The following MAP2 variants were observed in gnomAD, a reference collection of about 807,000 sequenced individuals.
MAP2 encodes microtubule-associated protein 2.
MAP2 carries 14 observed loss-of-function variants against 137.6 expected under a neutral mutation model. The ratio of observed to expected loss-of-function variants is 0.10; its 90% CI spans 0.07 to 0.16. The LOEUF (loss-of-function observed/expected upper bound fraction) is 0.16, where lower values mean the gene tolerates loss of function less well. Among genes scored for constraint, MAP2 ranks in the 10% least tolerant of loss-of-function variants. The probability of loss-of-function intolerance (pLI) is 1.00; values close to 1 mark genes in which losing one functional copy is unlikely to be tolerated. For synonymous variants in MAP2, 786 were observed against 782.3 expected, an observed-to-expected ratio of 1.00 and a Z score of -0.08; for missense variants, 2,088 against 2,191.5, an observed-to-expected ratio of 0.95 and a Z score of 0.94.
intron 7 of MAP2, chr2:209,690,963 A>G (rs186805372): frequency 9.9e-7 from 1 of 1,011,060 alleles, no homozygotes; most frequent in Middle Eastern, 3.0e-4. Context: ...TCTTATGATA[A>G]CAAGTCCACT....
At chr2:209,673,167 T>C (rs1439545531) in intron 5 of MAP2, among the ~76,000 whole-genome samples, 2 of 151,794 alleles carry the variant, frequency 1.3e-5, no homozygotes, top group African/African-American at 2.4e-5. Context: ...TTTATTCTTA[T>C]CAGCCTTTAA....
intron 7 of MAP2, among the ~76,000 whole-genome samples, chr2:209,688,094 C>A (rs2057667872): frequency 6.6e-6 from 1 of 152,044 alleles, no homozygotes. Context: ...AGTGAAGTTC[C>A]TATATAAGTT....
chr2:209,515,951 C>A (rs568301476), intron 2 of MAP2, among the ~76,000 whole-genome samples: 19 of 151,952 alleles, frequency 1.3e-4, no homozygotes, highest in Admixed American at 3.3e-4. Flanking sequence ...CTATGCCAAG[C>A]TAAATTTTTT....
At chr2:209,670,232 T>C (rs2048214407) in intron 5 of MAP2, among the ~76,000 whole-genome samples, 1 of 151,978 alleles carries the variant, frequency 6.6e-6, no homozygotes, top group Non-Finnish European at 1.5e-5. Flanking sequence ...TTAGTAAATA[T>C]GTAATATAGG....
chr2:209,593,864 AT>A (rs1464107544), intron 3 of MAP2, among the ~76,000 whole-genome samples: 1 of 112,634 alleles, frequency 8.9e-6, no homozygotes, highest in East Asian at 2.2e-4. Context: ...TAAAATATAT[AT>A]TTATATTATA....
chr2:209,723,805 C>T, intron 13 of MAP2: 1 of 674,804 alleles, frequency 1.5e-6, no homozygotes, highest in Non-Finnish European at 2.7e-6. Flanking sequence ...ACTGCTGTTC[C>T]ACATGTCTCC....
intron 2 of MAP2, among the ~76,000 whole-genome samples, chr2:209,520,793 A>G (rs1450111332): frequency 6.6e-6 from 1 of 151,960 alleles, no homozygotes; most frequent in African/African-American, 2.4e-5. Context: ...GCTCCCTATT[A>G]TATTTTGCTT....
intron 7 of MAP2, chr2:209,690,923 C>T: frequency 8.5e-7 from 1 of 1,182,728 alleles, no homozygotes; most frequent in Non-Finnish European, 1.1e-6. Flanking sequence ...TGATGCCTTT[C>T]CAACGCTATT....
intron 2 of MAP2, among the ~76,000 whole-genome samples, chr2:209,545,789 T>A (rs1001995924): frequency 1.3e-5 from 2 of 152,196 alleles, no homozygotes; most frequent in Non-Finnish European, 2.9e-5. Context: ...GTGAGAAAGT[T>A]AATAGTACTG....
intron 1 of MAP2, among the ~76,000 whole-genome samples, chr2:209,447,181 C>T (rs2149446752): frequency 6.6e-6 from 1 of 152,106 alleles, no homozygotes; most frequent in Non-Finnish European, 1.5e-5. Flanking sequence ...TGGACTAAAA[C>T]ATCCTTTTTG....
intron 1 of MAP2, among the ~76,000 whole-genome samples, chr2:209,466,539 A>G (rs573428258): frequency 6.6e-6 from 1 of 152,362 alleles, no homozygotes; most frequent in Non-Finnish European, 1.5e-5. Context: ...CCTACTAGGT[A>G]TCAAGTACTT....
At chr2:209,598,312 T>A (rs2081932714) in intron 3 of MAP2, among the ~76,000 whole-genome samples, 1 of 152,176 alleles carries the variant, frequency 6.6e-6, no homozygotes, top group African/African-American at 2.4e-5. Flanking sequence ...GCCTTGTGTC[T>A]GTCCTATTCT....
intron 1 of MAP2, among the ~76,000 whole-genome samples, chr2:209,482,502 G>A (rs1233002202): frequency 6.6e-6 from 1 of 152,112 alleles, no homozygotes; most frequent in East Asian, 1.9e-4. Flanking sequence ...TGACACGTGT[G>A]GCAATATGTG....
chr2:209,696,381 C>T, intron 8 of MAP2, 31 bp downstream of exon 8: 2 of 1,522,982 alleles, frequency 1.3e-6, no homozygotes, highest in East Asian at 2.3e-5. Context: ...TATTTTAACT[C>T]AAACACAATA....
chr2:209,461,414 C>A (rs760478777), intron 1 of MAP2, among the ~76,000 whole-genome samples: 4 of 152,112 alleles, frequency 2.6e-5, no homozygotes, highest in Non-Finnish European at 4.4e-5. Flanking sequence ...GACTGCATAG[C>A]ATGGCTTTAA....
intron 3 of MAP2, among the ~76,000 whole-genome samples, chr2:209,606,626 T>C (rs1333953934): frequency 6.6e-6 from 1 of 152,168 alleles, no homozygotes; most frequent in East Asian, 1.9e-4. Context: ...CTCTATTAAA[T>C]TGGACATATG....
intron 2 of MAP2, among the ~76,000 whole-genome samples, chr2:209,549,637 C>A (rs568061091): frequency 6.6e-6 from 1 of 152,128 alleles, no homozygotes; most frequent in Non-Finnish European, 1.5e-5. Flanking sequence ...CAGAAAACTT[C>A]TTGAAGCATA....
intron 1 of MAP2, among the ~76,000 whole-genome samples, chr2:209,500,679 A>G (rs2060266155): frequency 6.6e-6 from 1 of 152,072 alleles, no homozygotes; most frequent in South Asian, 2.1e-4. Context: ...TGAACTCTTT[A>G]AGGTTAAAGA....
At position 209,435,501 on chromosome 2, in the gene MAP2, C is replaced by A. The variant is rs1429839299; in HGVS notation, c.-222+11225C>A. 4.6e-5 allele frequency among the ~76,000 whole-genome samples: 7 copies of A among 151,622 alleles called. No homozygotes were observed. The Admixed American group carries it at 4.6e-4, about 10-fold the overall frequency. Reference sequence around the variant, plus strand: ...ACCAGATTGCATGTAATAGAGGGTTCCTTTTGGAGAACAGTTGCCTGTGTG... The same window carrying A: ...ACCAGATTGCATGTAATAGAGGGTTACTTTTGGAGAACAGTTGCCTGTGTG... On this transcript the variant is annotated intron_variant, in intron 1 of 15. Transcript: ENST00000682079.
Sources: gnomAD v4.1 joint callset for allele counts (sites outside exome capture counted in the v4.1 genomes callset) on GRCh38, gnomAD v4.1.1 for gene constraint, MANE v1.5 for transcripts, NCBI Gene and HGNC (gene_info 2026-07-23, HGNC 2026-07-21) for gene names.